APOLD1: variants seen among roughly 807,000 people sequenced by gnomAD.
The protein encoded by APOLD1 is apolipoprotein L domain containing 1.
APOLD1 carries 22 observed loss-of-function variants against 15.3 expected under a neutral mutation model. The observed-to-expected ratio is 1.44, with a 90% CI of 1.03 to 2.05. The LOEUF (loss-of-function observed/expected upper bound fraction) is 2.05. Among genes scored for constraint, APOLD1 ranks in the 30% most tolerant of loss-of-function variants. The pLI, the probability that APOLD1 is intolerant of heterozygous loss-of-function variation, is 0.00. For synonymous variants in APOLD1, 190 were observed against 167.4 expected, an observed-to-expected ratio of 1.13 and a Z score of -1.04; for missense variants, 394 against 353.5, an observed-to-expected ratio of 1.11 and a Z score of -0.92.
At chr12:12,744,545 G>T (rs1425303074) in intron 1 of APOLD1, among the ~76,000 whole-genome samples, 2 of 152,148 alleles carry the variant, frequency 1.3e-5, no homozygotes, top group Non-Finnish European at 2.9e-5. Context: ...GGAGGCGGAG[G>T]TTGCAGTGAA....
chr12:12,773,629 A>G (rs1440621790), intron 1 of APOLD1, among the ~76,000 whole-genome samples: 1 of 152,218 alleles, frequency 6.6e-6, no homozygotes, highest in East Asian at 1.9e-4. Context: ...TAAAAATAGG[A>G]AATCAAAATC....
At chr12:12,752,872 T>G (rs937981077) in intron 1 of APOLD1, among the ~76,000 whole-genome samples, 8 of 152,198 alleles carry the variant, frequency 5.3e-5, no homozygotes, top group African/African-American at 1.9e-4. Flanking sequence ...GATGGTTCAA[T>G]TGCTGCTTGC....
In APOLD1 at chr12:12,786,791, C is replaced by G. The variant is rs199642632; in HGVS notation, c.4-118C>G. ...ACTGGAAACAGACCCGTTCCCCTAG[C>G]GTGGCAGTGGCTGCTCCGCTGAACT... On this transcript the variant is annotated intron_variant, in intron 1 of 1. Coordinates refer to ENST00000356591, the MANE Select transcript of APOLD1 (RefSeq NM_030817.3). 3.4e-4 allele frequency: 445 copies of G among 1,303,242 alleles called. 4 individuals are homozygous for G. The East Asian group carries it at 0.013, about 39-fold the overall frequency. 80.7% of individuals were successfully genotyped at this position (1,303,242 alleles called of 1,614,324 possible).
chr12:12,777,600 T>C (rs955230148), intron 1 of APOLD1, among the ~76,000 whole-genome samples: 10 of 152,202 alleles, frequency 6.6e-5, no homozygotes, highest in African/African-American at 2.2e-4. Context: ...TGTTTACCAA[T>C]TGAGCATCCC....
At chr12:12,728,665 C>CAAAAAAAAAAAAAAAA (rs58877184) in intron 1 of APOLD1, among the ~76,000 whole-genome samples, 1 of 62,872 alleles carries the variant, frequency 1.6e-5, no homozygotes. Context: ...GACCCTGTCT[C>CAAAAAAAAAAAAAAAA]AAAAAAAAAA....
intron 1 of APOLD1, among the ~76,000 whole-genome samples, chr12:12,736,733 A>C (rs1016358178): frequency 1.3e-5 from 2 of 152,128 alleles, no homozygotes; most frequent in Non-Finnish European, 2.9e-5. Flanking sequence ...GTTTTCAAAA[A>C]CCAAAACTCT....
At chr12:12,779,954 T>C (rs1287296481) in intron 1 of APOLD1, among the ~76,000 whole-genome samples, 1 of 152,132 alleles carries the variant, frequency 6.6e-6, no homozygotes, top group Admixed American at 6.6e-5. Flanking sequence ...CCATGAATTT[T>C]TGACAATAAT....
intron 1 of APOLD1, among the ~76,000 whole-genome samples, chr12:12,775,461 G>T (rs1565436275): frequency 6.6e-6 from 1 of 152,148 alleles, no homozygotes; most frequent in Non-Finnish European, 1.5e-5. Flanking sequence ...GCCAATGTAG[G>T]TTCATGAATT....
chr12:12,787,113 G>T lies in APOLD1; in HGVS notation c.208G>T (p.Ala70Ser). 7.0e-7 allele frequency: 1 copy of T among 1,427,114 alleles called. No homozygotes were observed. The highest frequency in any genetic ancestry group is 9.1e-7 in the Non-Finnish European group (1 of 1,101,550). The allele number at this position is 1,427,114 out of a possible 1,614,324, so 88.4% of individuals were successfully genotyped here. ...GCTGAGCGCAACGGGCGCCCTCGCC[G>T]CCATCGTGGGGCTCTCGCTCAGCCC... ...SSLSATGALA[A>S]IVGLSLSPVT... The change falls in exon 2 of 2, where the codon GCC becomes TCC. Residue 70 changes from alanine to serine, a missense_variant. Physicochemically the swap from Ala to Ser is moderately conservative, Grantham distance 99 (BLOSUM62 1). Coordinates refer to ENST00000356591, the MANE Select transcript of APOLD1 (RefSeq NM_030817.3). This position sits in a 1 kb window ranked among gnomAD's most constrained non-coding sequence, Gnocchi z 4.9.
chr12:12,734,059 G>A (rs761378777), intron 1 of APOLD1, among the ~76,000 whole-genome samples: 152 of 152,114 alleles, frequency 1.0e-3, no homozygotes, highest in Non-Finnish European at 1.4e-3. Flanking sequence ...AACTTCAGAT[G>A]CCATTAAATC....
At chr12:12,786,005 A>C (rs1156276912) in intron 1 of APOLD1, among the ~76,000 whole-genome samples, 1 of 152,212 alleles carries the variant, frequency 6.6e-6, no homozygotes. Flanking sequence ...TACAGTGGAC[A>C]TGAAGGTGGG....
intron 1 of APOLD1, among the ~76,000 whole-genome samples, chr12:12,750,202 G>T (rs1002959580): frequency 1.3e-5 from 2 of 152,000 alleles, no homozygotes; most frequent in Admixed American, 1.3e-4. Flanking sequence ...GAGAAACCCT[G>T]TCTCTACTAA....
Position 12,787,399 on chromosome 12 carries a change from A to G in APOLD1, c.494A>G (p.Asn165Ser). 1 of 1,614,196 alleles carries G rather than the reference A, an allele frequency of 6.2e-7. No homozygotes were observed. The highest frequency in any genetic ancestry group is 1.3e-5 in the African/African-American group (1 of 75,072). The part of the protein sequence containing the change: ...CGRNASIALY[N>S]SVYFIVFFGS... ...AGGAACGCCTCCATCGCCCTGTACA[A>G]TTCTGTCTACTTCATCGTCTTCTTT... Residue 165 changes from asparagine to serine, a missense_variant, in exon 2 of 2, where the codon AAT (asparagine) becomes AGT (serine). Transcript: ENST00000356591. This position sits in a 1 kb window ranked among gnomAD's most constrained non-coding sequence, Gnocchi z 4.9.
chr12:12,765,095 T>G (rs1005685911), intron 1 of APOLD1, among the ~76,000 whole-genome samples: 2 of 152,106 alleles, frequency 1.3e-5, no homozygotes, highest in African/African-American at 4.8e-5. Context: ...TGCTGGGAAA[T>G]GTAGTCTTCC....
At chr12:12,742,178 T>C (rs1946733384) in intron 1 of APOLD1, among the ~76,000 whole-genome samples, 1 of 152,078 alleles carries the variant, frequency 6.6e-6, no homozygotes. Context: ...TAGTCTCTCC[T>C]GAGGCAAGAT....
chr12:12,735,775 C>CAATAAATA (rs58759446), intron 1 of APOLD1, among the ~76,000 whole-genome samples: 1,752 of 150,548 alleles, frequency 0.012, 18 homozygotes, highest in African/African-American at 0.028. Context: ...CTCATTTCTA[C>CAATAAATA]AATAAATAAA....
chr12:12,748,102 G>A (rs1380246905), intron 1 of APOLD1, among the ~76,000 whole-genome samples: 2 of 152,158 alleles, frequency 1.3e-5, no homozygotes, highest in Admixed American at 1.3e-4. Flanking sequence ...CACAGCTGAT[G>A]CAAGGATTCA....
chr12:12,771,942 C>G (rs1053584150), intron 1 of APOLD1, among the ~76,000 whole-genome samples: 2 of 151,586 alleles, frequency 1.3e-5, no homozygotes, highest in African/African-American at 2.4e-5. Context: ...ATTGCAAACT[C>G]TGGGGCAATC....
At chr12:12,727,640 T>G (rs1438600490) in intron 1 of APOLD1, among the ~76,000 whole-genome samples, 1 of 152,108 alleles carries the variant, frequency 6.6e-6, no homozygotes, top group East Asian at 1.9e-4. Context: ...AGTCTCCCTG[T>G]CATCCAGGCT....
Sources: gnomAD v4.1 joint callset for allele counts (sites outside exome capture counted in the v4.1 genomes callset) on GRCh38, gnomAD v4.1.1 for gene constraint, Gnocchi (gnomAD v3.1) non-coding constraint, MANE v1.5 for transcripts, NCBI Gene and HGNC (gene_info 2026-07-23, HGNC 2026-07-21) for gene names.